THADA: variants seen among roughly 807,000 people sequenced by gnomAD.
THADA encodes THADA armadillo repeat containing, also known as tRNA (32-2'-O)-methyltransferase regulator THADA.
In THADA, 213 loss-of-function variants were observed where a neutral mutation model predicts 219.8. The observed-to-expected ratio is 0.97, with a 90% CI of 0.87 to 1.09. The LOEUF is 1.09. Among genes scored for constraint, THADA ranks in the 50% least tolerant of loss-of-function variants. The pLI is 0.00. For missense variants in THADA, 2,956 were observed against 2,311.3 expected (o/e 1.28, Z -5.72); for synonymous variants, 1,018 against 828.9 (o/e 1.23, Z -3.92).
At chr2:43,392,762 C>G (rs1290670877) in intron 29 of THADA, among the ~76,000 whole-genome samples, 1 of 152,092 alleles carries the variant, frequency 6.6e-6, no homozygotes, top group Non-Finnish European at 1.5e-5. Context: ...TATCTTCTGT[C>G]TCCTCTTCAT....
At chr2:43,348,610 G>T (rs1427378051) in intron 29 of THADA, among the ~76,000 whole-genome samples, 4 of 152,068 alleles carry the variant, frequency 2.6e-5, no homozygotes, top group Non-Finnish European at 5.9e-5. Context: ...GAGAGGAAAG[G>T]ATACATCTGA....
chr2:43,393,000 G>C (rs1673573178), intron 29 of THADA, among the ~76,000 whole-genome samples: 1 of 152,140 alleles, frequency 6.6e-6, no homozygotes, highest in East Asian at 1.9e-4. Flanking sequence ...CCAAGTTTGA[G>C]AGGTTTTGTC....
chr2:43,583,838 TTTG>T (rs1700722435), intron 7 of THADA, among the ~76,000 whole-genome samples: 3 of 150,868 alleles, frequency 2.0e-5, no homozygotes, highest in African/African-American at 7.3e-5. Context: ...CGCTTAAGAG[TTTG>T]AAACCAGCCA....
chr2:43,577,183 G>A lies in THADA; in HGVS notation c.876C>T (p.Ser292=), dbSNP rs1699946541. 18 of 1,607,180 alleles carry A rather than the reference G, an allele frequency of 1.1e-5. No homozygotes were observed. The highest frequency in any genetic ancestry group is 1.4e-5 in the Non-Finnish European group (17 of 1,176,886). Residue 292 remains serine, a synonymous_variant, in exon 10 of 38, where the codon AGC becomes AGT. Transcript: ENST00000405975. ...DCTSVPEWFM[S]SCRSLCCGDI... ...CACCACAACAGAGGCTCCTGCAGCT[G>A]CTCATAAACCACTCGGGGACACTGG...
intron 4 of THADA, among the ~76,000 whole-genome samples, chr2:43,589,392 A>G (rs1477502456): frequency 6.6e-6 from 1 of 152,242 alleles, no homozygotes; most frequent in Non-Finnish European, 1.5e-5. Context: ...TACAAATATT[A>G]CACTAATATG....
In THADA at chr2:43,279,836, T is replaced by C; in HGVS notation, c.5225A>G (p.Gln1742Arg). ...CVLTLLQSEE[Q>R]AVRDAATETV... ...TTCCGTGGCTGCATCTCTAACAGCT[T>C]GCTCCTCACTCTGCAGAAGGGTAAG... The change falls in exon 36 of 38, where the codon CAA becomes CGA. Residue 1742 changes from glutamine to arginine, a missense_variant. By Grantham distance (43) the Gln-to-Arg change is conservative. Coordinates refer to ENST00000405975, the MANE Select transcript of THADA (RefSeq NM_022065.5). 1.3e-6 allele frequency: 2 copies of C among 1,565,460 alleles called. No individual in the cohort carries two copies. Among genetic ancestry groups the C allele is most frequent in the Non-Finnish European group, 1.7e-6 (2 of 1,154,854 alleles).
chr2:43,390,714 G>A (rs17030738), intron 29 of THADA, among the ~76,000 whole-genome samples: 1,978 of 152,260 alleles, frequency 0.013, 42 homozygotes, highest in African/African-American at 0.043. Flanking sequence ...CCCTGCTGCT[G>A]GAATATAAGT....
chr2:43,274,993 C>CTTTTTTTTTTT (rs202126240), intron 36 of THADA, among the ~76,000 whole-genome samples: 1 of 121,624 alleles, frequency 8.2e-6, no homozygotes, highest in African/African-American at 3.1e-5. Flanking sequence ...CTTTTCTTTT[C>CTTTTTTTTTTT]TTTTCTTTTT....
chr2:43,253,003 TCTTGA>T (rs1669957167), intron 36 of THADA, among the ~76,000 whole-genome samples: 1 of 152,208 alleles, frequency 6.6e-6, no homozygotes, highest in African/African-American at 2.4e-5. Flanking sequence ...ATTCTTGACT[TCTTGA>T]CTTGACATTC....
At chr2:43,231,452 C>A in intron 37 of THADA, 109 bp from the exon 38 acceptor site, 1 of 1,178,356 alleles carries the variant, frequency 8.5e-7, no homozygotes, top group Non-Finnish European at 1.2e-6. Flanking sequence ...CCTTCCCCCA[C>A]CTGACAGAGG....
chr2:43,369,655 C>T (rs994842195), intron 29 of THADA, among the ~76,000 whole-genome samples: 2 of 152,162 alleles, frequency 1.3e-5, no homozygotes, highest in Non-Finnish European at 2.9e-5. Context: ...TGACCAAAAT[C>T]TCCAGGACAG....
intron 11 of THADA, 34 bp downstream of exon 11, chr2:43,574,301 TA>T (rs953701734): frequency 7.1e-7 from 1 of 1,414,794 alleles, no homozygotes; most frequent in African/African-American, 1.4e-5. Flanking sequence ...GCATCATAAT[TA>T]GAAACTACTA....
chr2:43,432,102 C>T (rs1468108499), intron 26 of THADA, among the ~76,000 whole-genome samples: 2 of 126,234 alleles, frequency 1.6e-5, no homozygotes, highest in South Asian at 2.5e-4. Context: ...GTGATCCGCC[C>T]GCCTCGGCCT....
At chr2:43,367,490 C>T (rs998390781) in intron 29 of THADA, among the ~76,000 whole-genome samples, 3 of 152,154 alleles carry the variant, frequency 2.0e-5, no homozygotes, top group South Asian at 2.1e-4. Context: ...GTGAACTACA[C>T]GTTTACCTAA....
chr2:43,463,896 C>G (rs72790935), intron 26 of THADA, among the ~76,000 whole-genome samples: 1 of 151,998 alleles, frequency 6.6e-6, no homozygotes, highest in African/African-American at 2.4e-5. Flanking sequence ...GAATTGCTTA[C>G]AGTAGCAAGT....
chr2:43,523,612 T>C (rs1017399606), intron 22 of THADA, among the ~76,000 whole-genome samples: 2 of 152,224 alleles, frequency 1.3e-5, no homozygotes, highest in African/African-American at 2.4e-5. Context: ...TATAATTAAC[T>C]GATGAAAGTT....
chr2:43,325,517 C>T (rs945394245), intron 30 of THADA, among the ~76,000 whole-genome samples: 3 of 146,960 alleles, frequency 2.0e-5, no homozygotes, highest in African/African-American at 5.1e-5. Context: ...TAGTGACCAG[C>T]AATAAAGGAA....
At chr2:43,345,354 G>A (rs1046895285) in intron 29 of THADA, among the ~76,000 whole-genome samples, 4 of 152,228 alleles carry the variant, frequency 2.6e-5, no homozygotes, top group Non-Finnish European at 5.9e-5. Flanking sequence ...TACTGGGTCA[G>A]ACGTCTGCAA....
intron 34 of THADA, among the ~76,000 whole-genome samples, chr2:43,287,697 A>C (rs1674203255): frequency 6.6e-6 from 1 of 152,192 alleles, no homozygotes; most frequent in Non-Finnish European, 1.5e-5. Flanking sequence ...CCAGCAAATA[A>C]CAACTTATTG....
Sources: gnomAD v4.1 joint callset for allele counts (sites outside exome capture counted in the v4.1 genomes callset) on GRCh38, gnomAD v4.1.1 for gene constraint, MANE v1.5 for transcripts, NCBI Gene and HGNC (gene_info 2026-07-23, HGNC 2026-07-21) for gene names.